The following RBFOX1 variants were observed in gnomAD, a reference collection of about 807,000 sequenced individuals.
The protein encoded by RBFOX1 is RNA binding protein fox-1 homolog 1.
In RBFOX1, 8 loss-of-function variants were observed where a neutral mutation model predicts 57.7. The observed-to-expected ratio is 0.14, with a 90% confidence interval of 0.08 to 0.25. The LOEUF is 0.25. Ranked by LOEUF, RBFOX1 falls within the 10% of genes least tolerant of loss-of-function variation. The probability of loss-of-function intolerance (pLI) is 1.00; values close to 1 mark genes in which losing one functional copy is unlikely to be tolerated. For missense variants in RBFOX1, 611 were observed against 548.5 expected (o/e 1.11, Z -1.14); for synonymous variants, 326 against 222.4 (o/e 1.47, Z -4.15).
intron 4 of RBFOX1, among the ~76,000 whole-genome samples, chr16:7,195,108 A>G (rs759421097): frequency 4.6e-5 from 7 of 152,134 alleles, no homozygotes; most frequent in Non-Finnish European, 5.9e-5. Flanking sequence ...CAGTCTATCA[A>G]CACCCTTAAG....
chr16:6,085,939 C>T (rs1052345115), intron 1 of RBFOX1, among the ~76,000 whole-genome samples: 8 of 152,092 alleles, frequency 5.3e-5, no homozygotes, highest in Admixed American at 2.0e-4. Flanking sequence ...GCATTAAGCC[C>T]CACATGCATT....
intron 3 of RBFOX1, among the ~76,000 whole-genome samples, chr16:6,821,705 G>T (rs1025260642): frequency 6.6e-6 from 1 of 152,170 alleles, no homozygotes. Context: ...ATGATAGCCT[G>T]TATCAGTGCT....
chr16:6,293,385 C>T (rs866694651), intron 1 of RBFOX1, among the ~76,000 whole-genome samples: 1 of 152,156 alleles, frequency 6.6e-6, no homozygotes, highest in Non-Finnish European at 1.5e-5. Flanking sequence ...TTTAAGCTCG[C>T]TTTTTCCCTC....
At chr16:6,995,053 T>G (rs1451073086) in intron 3 of RBFOX1, among the ~76,000 whole-genome samples, 1 of 151,858 alleles carries the variant, frequency 6.6e-6, no homozygotes. Context: ...TGGCTAATTA[T>G]TGTGACTAAA....
rs181075932 is a variant in RBFOX1, at chr16:7,102,538, C to T, written c.27+50440C>T. Reference sequence around the variant, plus strand: ...GATGTGCTTACTGCTTCATTAAATTCCCTTTAAGGTTTGCGGCTTGGATAT... The same window carrying T: ...GATGTGCTTACTGCTTCATTAAATTTCCTTTAAGGTTTGCGGCTTGGATAT... On this transcript the variant is annotated intron_variant, in intron 4 of 15. Transcript: ENST00000550418. Among the ~76,000 whole-genome samples, 3 of 152,256 alleles carry T rather than the reference C, an allele frequency of 2.0e-5. No homozygotes were observed. In the East Asian group the frequency reaches 5.8e-4, roughly 29 times the overall value.
chr16:5,481,771 A>T (rs2151644860), intron 2 of RBFOX1, among the ~76,000 whole-genome samples: 1 of 152,306 alleles, frequency 6.6e-6, no homozygotes, highest in Middle Eastern at 3.4e-3. Context: ...CCAAGGTGTC[A>T]GCATGTTGGT....
intron 1 of RBFOX1, among the ~76,000 whole-genome samples, chr16:5,246,764 A>T (rs1386974024): frequency 7.3e-5 from 11 of 151,058 alleles, no homozygotes; most frequent in African/African-American, 9.8e-5. Context: ...TTGGCCTCCC[A>T]AGCTCAATCA....
intron 3 of RBFOX1, among the ~76,000 whole-genome samples, chr16:6,720,432 T>G (rs1467283783): frequency 6.6e-6 from 1 of 152,116 alleles, no homozygotes; most frequent in East Asian, 1.9e-4. Flanking sequence ...AATTACCCAC[T>G]CTCAGGTAGT....
chr16:6,249,778 T>TA (rs1023203904), intron 1 of RBFOX1, among the ~76,000 whole-genome samples: 34 of 151,252 alleles, frequency 2.2e-4, no homozygotes, highest in Non-Finnish European at 4.6e-4. Flanking sequence ...TTTTCTTTTT[T>TA]TTTTTTTTTA....
intron 11 of RBFOX1, among the ~76,000 whole-genome samples, chr16:7,636,845 CAGAG>C (rs541420526): frequency 8.4e-6 from 1 of 119,298 alleles, no homozygotes; most frequent in Non-Finnish European, 1.9e-5. Context: ...CAGAGAGAAA[CAGAG>C]AGAGAGAGAG....
intron 4 of RBFOX1, among the ~76,000 whole-genome samples, chr16:7,415,158 T>C (rs1015492895): frequency 6.6e-6 from 1 of 152,250 alleles, no homozygotes; most frequent in Non-Finnish European, 1.5e-5. Context: ...GTATTTATTA[T>C]ATTGCCATGC....
At chr16:7,302,433 G>T (rs1213675025) in intron 4 of RBFOX1, among the ~76,000 whole-genome samples, 3 of 152,088 alleles carry the variant, frequency 2.0e-5, no homozygotes, top group Non-Finnish European at 4.4e-5. Flanking sequence ...TGAGCCCTGA[G>T]GAGGAGGGGA....
chr16:6,974,725 T>G (rs1467525151), intron 3 of RBFOX1, among the ~76,000 whole-genome samples: 1 of 152,046 alleles, frequency 6.6e-6, no homozygotes, highest in Non-Finnish European at 1.5e-5. Flanking sequence ...TTTCCATATT[T>G]TTCTTATCTC....
intron 9 of RBFOX1, among the ~76,000 whole-genome samples, chr16:7,599,385 G>A (rs758621393): frequency 6.6e-6 from 1 of 152,204 alleles, no homozygotes; most frequent in Non-Finnish European, 1.5e-5. Flanking sequence ...CATAAGCCAT[G>A]TGCATGTATA....
intron 3 of RBFOX1, among the ~76,000 whole-genome samples, chr16:6,934,799 A>G (rs1052088292): frequency 2.6e-5 from 4 of 152,138 alleles, no homozygotes; most frequent in African/African-American, 4.8e-5. Flanking sequence ...TGAATGGTCA[A>G]TTTAAGCCAG....
At chr16:6,979,782 G>T (rs921321772) in intron 3 of RBFOX1, among the ~76,000 whole-genome samples, 2 of 152,188 alleles carry the variant, frequency 1.3e-5, no homozygotes, top group East Asian at 3.9e-4. Context: ...AATCATCTCA[G>T]TGGGTATTCC....
At chr16:7,596,580 A>G (rs1032424395) in intron 8 of RBFOX1, among the ~76,000 whole-genome samples, 7 of 151,934 alleles carry the variant, frequency 4.6e-5, no homozygotes, top group South Asian at 2.1e-4. Context: ...TGATATATCT[A>G]TATACATATA....
intron 4 of RBFOX1, among the ~76,000 whole-genome samples, chr16:7,136,948 C>G (rs903403552): frequency 6.6e-6 from 1 of 152,208 alleles, no homozygotes; most frequent in Non-Finnish European, 1.5e-5. Flanking sequence ...CTCGTCATGG[C>G]CCATGGGCCA....
At chr16:5,517,930 CTGTGTGTGTGTGTG>C (rs71404527) in intron 2 of RBFOX1, among the ~76,000 whole-genome samples, 1 of 144,182 alleles carries the variant, frequency 6.9e-6, no homozygotes, top group African/African-American at 2.6e-5. Flanking sequence ...GCAAAAGCTA[CTGTGTGTGTGTGTG>C]TGTGTGTGTG....
Sources: allele counts gnomAD v4.1 joint callset (sites outside exome capture counted in the v4.1 genomes callset), GRCh38; gene constraint gnomAD v4.1.1; transcripts MANE v1.5; gene names NCBI Gene and HGNC (gene_info 2026-07-23, HGNC 2026-07-21).